Variants in GPR149 observed in about 807,000 individuals in gnomAD.
The protein encoded by GPR149 is G protein-coupled receptor 149.
In GPR149, 50 loss-of-function variants were observed where a neutral mutation model predicts 50.2. The observed-to-expected ratio is 1.00, with a 90% CI of 0.79 to 1.26. GPR149 has a LOEUF of 1.26. Ranked by LOEUF, GPR149 falls within the 50% of genes most tolerant of loss-of-function variation. GPR149 has a pLI of 0.00. For synonymous variants in GPR149, 405 were observed against 358.2 expected (o/e 1.13, Z -1.48); for missense variants, 983 against 895.4 (o/e 1.10, Z -1.25).
chr3:154,343,095 T>C lies in GPR149; in HGVS notation c.1624-4824A>G, dbSNP rs549454165. On this transcript the variant is annotated intron_variant, in intron 3 of 3. Transcript: ENST00000389740. ...CTGCCTGGGTAAAATAATTTCCATA[T>C]ATTGTAAGATATAAAAGCAAGCAAA... Among the ~76,000 whole-genome samples the C allele has an allele frequency of 1.5e-4, 23 of 152,348 alleles. No homozygotes were observed. In the South Asian group the frequency reaches 4.3e-3, roughly 29 times the overall value.
At chr3:154,367,544 G>A (rs1301798995) in intron 3 of GPR149, among the ~76,000 whole-genome samples, 1 of 152,154 alleles carries the variant, frequency 6.6e-6, no homozygotes, top group Admixed American at 6.5e-5. Context: ...CATGTTAATT[G>A]TCTTTGTTTC....
chr3:154,356,078 T>G (rs556562110), intron 3 of GPR149, among the ~76,000 whole-genome samples: 1 of 152,288 alleles, frequency 6.6e-6, no homozygotes, highest in African/African-American at 2.4e-5. Flanking sequence ...TAAGAGTAAA[T>G]GAGCACTTGG....
chr3:154,399,389 T>C (rs778217016), intron 3 of GPR149, among the ~76,000 whole-genome samples: 3 of 152,164 alleles, frequency 2.0e-5, no homozygotes, highest in Non-Finnish European at 4.4e-5. Context: ...ATAAATGCTA[T>C]TATAAATTAA....
intron 3 of GPR149, among the ~76,000 whole-genome samples, chr3:154,414,008 CA>C (rs2108425536): frequency 1.3e-5 from 2 of 151,890 alleles, no homozygotes; most frequent in African/African-American, 4.8e-5. Flanking sequence ...ATGGCATTCA[CA>C]GCAACCTGCA....
At position 154,422,375 on chromosome 3, in the gene GPR149, G is replaced by A. The variant is rs908543847; in HGVS notation, c.1175-888C>T. Among the ~76,000 whole-genome samples the A allele has an allele frequency of 2.5e-4, 38 of 151,574 alleles. 1 individual carries two copies. Among genetic ancestry groups the A allele is most frequent in the South Asian group, 1.0e-3 (5 of 4,822 alleles). On this transcript the variant is annotated intron_variant, in intron 2 of 3. Coordinates refer to ENST00000389740, the MANE Select transcript of GPR149 (RefSeq NM_001038705.3). The stretch of plus-strand genomic sequence containing the variant: ...ATAAGTTTTATATATTAAGAATGAA[G>A]TTATATCAAGGTGGTAGACAAGATA...
chr3:154,385,918 G>T (rs1309254452), intron 3 of GPR149, among the ~76,000 whole-genome samples: 2 of 151,940 alleles, frequency 1.3e-5, no homozygotes, highest in Non-Finnish European at 2.9e-5. Context: ...AGCCAGGATG[G>T]TCTCGATCTT....
intron 3 of GPR149, among the ~76,000 whole-genome samples, chr3:154,347,519 G>A (rs540689775): frequency 6.6e-6 from 1 of 152,280 alleles, no homozygotes; most frequent in Non-Finnish European, 1.5e-5. Flanking sequence ...TGGGGATTAT[G>A]GGAACTACAA....
chr3:154,424,750 T>A (rs1022042980), intron 2 of GPR149, among the ~76,000 whole-genome samples: 3 of 151,890 alleles, frequency 2.0e-5, no homozygotes, highest in African/African-American at 7.2e-5. Context: ...TGATAAAATA[T>A]GAATTAGCTC....
Position 154,335,896 on chromosome 3 carries a change from T to C in GPR149, c.*1803A>G, listed in dbSNP as rs1713645535. 6.6e-6 allele frequency: 1 copy of C among 152,114 alleles called. No individual in the cohort carries two copies. Among genetic ancestry groups the C allele is most frequent in the Non-Finnish European group, 1.5e-5 (1 of 67,944 alleles). 9.4% of individuals were successfully genotyped at this position (152,114 alleles called of 1,614,324 possible). ...ATCACCTTTCTCTTTCAGAAAATTA[T>C]ACATCTAAGTTTAAGATATCAAAGC... On this transcript the variant is annotated 3_prime_UTR_variant, in exon 4 of 4. Transcript: ENST00000389740.
intron 3 of GPR149, among the ~76,000 whole-genome samples, chr3:154,339,405 T>C (rs1713731222): frequency 6.6e-6 from 1 of 152,210 alleles, no homozygotes; most frequent in East Asian, 1.9e-4. Context: ...TATAAGTGCT[T>C]ACCACTTGTA....
At chr3:154,354,645 G>T in intron 3 of GPR149, 1 of 219,426 alleles carries the variant, frequency 4.6e-6, no homozygotes, top group South Asian at 1.1e-4. Context: ...TGAGGGCAGG[G>T]ACCATTTCTT....
chr3:154,391,463 AG>A (rs552559485), intron 3 of GPR149, among the ~76,000 whole-genome samples: 132 of 152,044 alleles, frequency 8.7e-4, no homozygotes, highest in Non-Finnish European at 1.6e-3. Flanking sequence ...CCATAAAAAA[AG>A]AGAAGGAAAT....
In GPR149 at chr3:154,427,687, C is replaced by T. The variant is rs376049352; in HGVS notation, c.1003G>A (p.Val335Ile). 6.2e-7 allele frequency: 1 copy of T among 1,612,684 alleles called. No individual in the cohort carries two copies. The highest frequency in any genetic ancestry group is 2.2e-5 in the East Asian group (1 of 44,892). ...AAGGGAAGGCTCTGAAACCCCACGA[C>T]GTTCTGGACCACCATGTGCATCTGC... ...PMMMHMVVQN[V>I]VGFQSLPLET... Residue 335 changes from valine to isoleucine, a missense_variant, in exon 2 of 4, where the codon GTC becomes ATC. By Grantham distance (29) the Val-to-Ile change is conservative. Coordinates refer to ENST00000389740, the MANE Select transcript of GPR149 (RefSeq NM_001038705.3).
At chr3:154,374,170 T>TTTC (rs1491518246) in intron 3 of GPR149, among the ~76,000 whole-genome samples, 74 of 1,200 alleles carry the variant, frequency 0.062, 2 homozygotes, top group African/African-American at 0.23. Flanking sequence ...TTTTCTTTTC[T>TTTC]TTTTTTTTTT....
intron 3 of GPR149, among the ~76,000 whole-genome samples, chr3:154,367,307 T>C (rs528089833): frequency 6.6e-6 from 1 of 150,454 alleles, no homozygotes; most frequent in East Asian, 2.0e-4. Context: ...TGTTGTAAGC[T>C]TCCCTGTGTC....
chr3:154,378,189 C>T (rs1366038637), intron 3 of GPR149, among the ~76,000 whole-genome samples: 1 of 148,462 alleles, frequency 6.7e-6, no homozygotes, highest in Non-Finnish European at 1.5e-5. Flanking sequence ...TTCCAGTGAT[C>T]CTTGTGCCTC....
At chr3:154,355,995 A>T (rs1054517799) in intron 3 of GPR149, among the ~76,000 whole-genome samples, 2 of 152,206 alleles carry the variant, frequency 1.3e-5, no homozygotes, top group African/African-American at 4.8e-5. Context: ...AAGAGCATCA[A>T]ACTAAAAAGC....
chr3:154,363,598 G>A (rs1714464473), intron 3 of GPR149, among the ~76,000 whole-genome samples: 1 of 152,058 alleles, frequency 6.6e-6, no homozygotes, highest in South Asian at 2.1e-4. Flanking sequence ...GGCAGACAGG[G>A]ACAAGTCCCC....
rs899808921 is a variant in GPR149, at chr3:154,421,286, G to C, written c.1376C>G (p.Thr459Arg). ...FNAIKVEISTTPSLDSSTQRG... is the reference protein window; with the variant it reads ...FNAIKVEISTRPSLDSSTQRG... ...TTGTGTGGAGCTGTCCAGAGAGGGCGTGGTGCTGATTTCTACTTTTATAGC... is the reference window on the plus strand; with the variant it reads ...TTGTGTGGAGCTGTCCAGAGAGGGCCTGGTGCTGATTTCTACTTTTATAGC... Residue 459 changes from threonine to arginine, a missense_variant, in exon 3 of 4, where the codon ACG becomes AGG. Thr to Arg is a moderately conservative substitution (Grantham distance 71). Transcript: ENST00000389740. 1 of 1,613,220 alleles carries C rather than the reference G, an allele frequency of 6.2e-7. No homozygotes were observed. The highest frequency in any genetic ancestry group is 1.3e-5 in the African/African-American group (1 of 74,854).
Sources: gnomAD v4.1 joint callset for allele counts (sites outside exome capture counted in the v4.1 genomes callset) on GRCh38, gnomAD v4.1.1 for gene constraint, MANE v1.5 for transcripts, NCBI Gene and HGNC (gene_info 2026-07-23, HGNC 2026-07-21) for gene names.